The following MTFR1 variants were observed in gnomAD, a reference collection of about 807,000 sequenced individuals.
MTFR1 encodes mitochondrial fission regulator 1.
MTFR1 carries 28 observed loss-of-function variants against 38.8 expected under a neutral mutation model. That is an observed-to-expected ratio of 0.72 (90% CI 0.53 to 0.99). The LOEUF (loss-of-function observed/expected upper bound fraction) is 0.99. Among genes scored for constraint, MTFR1 ranks in the 50% least tolerant of loss-of-function variants. The pLI is 0.00. For synonymous variants in MTFR1, 145 were observed against 137.0 expected, an observed-to-expected ratio of 1.06 and a Z score of -0.41; for missense variants, 358 against 395.5, an observed-to-expected ratio of 0.91 and a Z score of 0.81.
At chr8:65,737,002 C>G (rs1807168474) in intron 3 of MTFR1, among the ~76,000 whole-genome samples, 1 of 149,364 alleles carries the variant, frequency 6.7e-6, no homozygotes, top group Non-Finnish European at 1.5e-5. Context: ...CCTGCCTCAG[C>G]CTGGATGAGG....
intron 4 of MTFR1, among the ~76,000 whole-genome samples, chr8:65,698,098 T>A (rs924931676): frequency 6.6e-6 from 1 of 152,024 alleles, no homozygotes; most frequent in Non-Finnish European, 1.5e-5. Flanking sequence ...GACTTCTTTT[T>A]CCCTAAGAGG....
chr8:65,734,210 ACT>A lies in MTFR1; in HGVS notation c.*48+14731_*48+14732del, dbSNP rs138600344. Among the ~76,000 whole-genome samples the A allele has an allele frequency of 5.1e-3, 772 of 152,082 alleles. 5 individuals are homozygous for A. The highest frequency in any genetic ancestry group is 0.017 in the African/African-American group (721 of 41,476). On this transcript the variant is annotated intron_variant, in intron 3 of 3. Coordinates refer to the MTFR1 transcript ENST00000521247. ...CTCTCATGGAAGACTTCCACCTTCT[ACT>A]CAACTGCCCAAACCAGTCTTCACTG...
chr8:65,682,179 CTATA>C (rs112207734), intron 2 of MTFR1, 170 bp from the exon 3 acceptor site: 8 of 292,348 alleles, frequency 2.7e-5, no homozygotes, highest in Admixed American at 1.5e-4. Context: ...CTCTATCTAT[CTATA>C]TATTCTTTAT....
intron 1 of MTFR1, among the ~76,000 whole-genome samples, chr8:65,647,272 CA>C (rs1808985537): frequency 6.6e-6 from 1 of 152,050 alleles, no homozygotes; most frequent in Non-Finnish European, 1.5e-5. Flanking sequence ...CAGCCTGAAA[CA>C]GAGAAAAGAG....
intron 4 of MTFR1, among the ~76,000 whole-genome samples, chr8:65,703,419 G>GGT (rs1805674760): frequency 2.0e-5 from 1 of 50,940 alleles, no homozygotes; most frequent in Non-Finnish European, 3.4e-5. Context: ...GATGTCTCTG[G>GGT]TTTTTTTTTT....
chr8:65,767,038 G>A lies in MTFR1; in HGVS notation c.*49-3909G>A, dbSNP rs201743662. Among the ~76,000 whole-genome samples the A allele has an allele frequency of 5.4e-5, 8 of 149,216 alleles. No homozygotes were observed. The East Asian group carries it at 1.2e-3, about 22-fold the overall frequency. On this transcript the variant is annotated intron_variant, in intron 3 of 3. Coordinates refer to the MTFR1 transcript ENST00000521247. ...CAACAACAACAACAACAACAACAACGCCTGGACCACTACATCCAACTGAAT... is the reference window on the plus strand; with the variant it reads ...CAACAACAACAACAACAACAACAACACCTGGACCACTACATCCAACTGAAT...
intron 3 of MTFR1, chr8:65,720,522 A>C (rs1182111927): frequency 6.5e-6 from 1 of 154,194 alleles, no homozygotes; most frequent in African/African-American, 2.4e-5. Context: ...CAGGAAAGTT[A>C]TATATGGTCT....
chr8:65,734,068 A>T (rs1807021828), intron 3 of MTFR1, among the ~76,000 whole-genome samples: 1 of 152,104 alleles, frequency 6.6e-6, no homozygotes, highest in South Asian at 2.1e-4. Context: ...CTTTTATGTA[A>T]CTCTATACTA....
At chr8:65,684,415 C>T (rs1246587074) in intron 3 of MTFR1, among the ~76,000 whole-genome samples, 2 of 147,508 alleles carry the variant, frequency 1.4e-5, no homozygotes, top group African/African-American at 5.0e-5. Flanking sequence ...GACTGAGTTT[C>T]GCTCTTGTTG....
chr8:65,712,674 C>T (rs1490525215), downstream of MTFR1, among the ~76,000 whole-genome samples: 1 of 152,172 alleles, frequency 6.6e-6, no homozygotes, highest in Non-Finnish European at 1.5e-5. Context: ...AAACCTAGGT[C>T]TGACAAGCTG....
downstream of MTFR1, among the ~76,000 whole-genome samples, chr8:65,712,328 C>T (rs1805969708): frequency 1.3e-5 from 2 of 152,160 alleles, no homozygotes; most frequent in Admixed American, 1.3e-4. Context: ...CCCTGCCTTC[C>T]CTTCTGCAAG....
At chr8:65,751,774 G>A (rs1479587455) in intron 3 of MTFR1, among the ~76,000 whole-genome samples, 1 of 152,180 alleles carries the variant, frequency 6.6e-6, no homozygotes, top group Non-Finnish European at 1.5e-5. Context: ...TTACAGGCGT[G>A]AGCCACTGCG....
intron 2 of MTFR1, chr8:65,718,828 T>G: frequency 6.1e-6 from 1 of 162,656 alleles, no homozygotes; most frequent in South Asian, 1.7e-4. Context: ...TTGTAAACAT[T>G]GTCTTGCCAG....
intron 3 of MTFR1, among the ~76,000 whole-genome samples, chr8:65,763,096 C>T (rs980531381): frequency 2.6e-5 from 4 of 151,248 alleles, no homozygotes; most frequent in Non-Finnish European, 4.4e-5. Context: ...ATTAGCCACT[C>T]GTAATCTAAA....
intron 3 of MTFR1, among the ~76,000 whole-genome samples, chr8:65,760,387 A>G (rs1808431977): frequency 6.6e-6 from 1 of 152,218 alleles, no homozygotes; most frequent in Non-Finnish European, 1.5e-5. Context: ...TATTTTGCTT[A>G]CAAACAATTC....
chr8:65,725,029 T>G (rs1262478598), intron 3 of MTFR1: 3 of 537,192 alleles, frequency 5.6e-6, no homozygotes, highest in African/African-American at 3.9e-5. Flanking sequence ...CCCTAAAATA[T>G]CCAACTATCA....
chr8:65,760,926 G>A (rs974228494), intron 3 of MTFR1, among the ~76,000 whole-genome samples: 2 of 93,770 alleles, frequency 2.1e-5, no homozygotes, highest in African/African-American at 7.7e-5. Flanking sequence ...TAGGAATACA[G>A]GAGAGAGGAT....
At chr8:65,671,158 G>A (rs1563440796) in intron 2 of MTFR1, among the ~76,000 whole-genome samples, 1 of 152,130 alleles carries the variant, frequency 6.6e-6, no homozygotes, top group African/African-American at 2.4e-5. Flanking sequence ...GAGATTATTA[G>A]CTTGAGGATA....
chr8:65,745,300 G>C (rs1326567975), intron 3 of MTFR1: 1 of 725,036 alleles, frequency 1.4e-6, no homozygotes, highest in Non-Finnish European at 2.5e-6. Flanking sequence ...TTCCAGCAGA[G>C]GGCTAACAAC....
Sources: gnomAD v4.1 joint callset for allele counts (sites outside exome capture counted in the v4.1 genomes callset) on GRCh38, gnomAD v4.1.1 for gene constraint, MANE v1.5 for transcripts, NCBI Gene and HGNC (gene_info 2026-07-23, HGNC 2026-07-21) for gene names.